The following CSPG4 variants were observed in gnomAD, a reference collection of about 807,000 sequenced individuals.
CSPG4 encodes chondroitin sulfate proteoglycan 4 (melanoma-associated).
A neutral mutation model predicts 139.3 loss-of-function variants in CSPG4; 74 were observed. The observed-to-expected ratio is 0.53, with a 90% confidence interval of 0.44 to 0.64. The LOEUF is 0.64. Ranked by LOEUF, CSPG4 falls within the 30% of genes least tolerant of loss-of-function variation. CSPG4 has a pLI of 0.00. For missense variants in CSPG4, 2,565 were observed against 3,148.3 expected, an observed-to-expected ratio of 0.81 and a Z score of 4.43; for synonymous variants, 1,234 against 1,394.2, an observed-to-expected ratio of 0.89 and a Z score of 2.56.
In CSPG4 at chr15:75,693,204, C is replaced by T. The variant is rs1466086222; in HGVS notation, c.118G>A (p.Val40Met). The part of the protein sequence containing the change: ...ASFFGENHLE[V>M]PVATALTDID... Reference sequence around the variant, plus strand: ...TCGGTCAGAGCCGTGGCCACAGGCACCTCCAGGTGGTTCTCACCGAAGAAG... The same window carrying T: ...TCGGTCAGAGCCGTGGCCACAGGCATCTCCAGGTGGTTCTCACCGAAGAAG... The change falls in exon 2 of 10, where the codon GTG (valine) becomes ATG (methionine). Residue 40 changes from valine to methionine, a missense_variant. Transcript: ENST00000308508. 1 of 1,609,854 alleles carries T rather than the reference C, an allele frequency of 6.2e-7. No individual in the cohort carries two copies. The highest frequency in any genetic ancestry group is 8.5e-7 in the Non-Finnish European group (1 of 1,178,882).
rs61754538 is a variant in CSPG4 at position 75,690,531 on chromosome 15, G to A, written c.534C>T (p.Arg178=). Residue 178 remains arginine, a synonymous_variant, in exon 3 of 10, where the codon CGC becomes CGT. Coordinates refer to ENST00000308508, the MANE Select transcript of CSPG4 (RefSeq NM_001897.5). The part of the protein sequence containing the change: ...GCLHAATLNG[R]SLLRPLTPDV... ...CGGGGGTCAGAGGCCGGAGGAGGCTGCGGCCATTGAGGGTGGCTGCATGGA... is the reference window on the plus strand; with the variant it reads ...CGGGGGTCAGAGGCCGGAGGAGGCTACGGCCATTGAGGGTGGCTGCATGGA... 7.5e-3 allele frequency: 12,104 copies of A among 1,609,548 alleles called. 293 individuals carry two copies. In the East Asian group the frequency reaches 0.095, roughly 13 times the overall value.
At position 75,682,377 on chromosome 15, in the gene CSPG4, C is replaced by T. The variant is rs763719075; in HGVS notation, c.4866G>A (p.Val1622=). 6.3e-7 allele frequency: 1 copy of T among 1,596,796 alleles called. No individual in the cohort carries two copies. Residue 1622 remains valine (V), a synonymous_variant, in exon 8 of 10, where the codon GTG becomes GTA. Transcript: ENST00000308508. The part of the protein sequence containing the change: ...GTDPQLLLYR[V]VRGPQLGRLF... ...GCCGGCCTAGCTGGGGGCCCCGCAC[C>T]ACACGGTAGAGCAGGAGCTGGGGGT...
Position 75,688,702 on chromosome 15 carries a change from C to A in CSPG4, c.2363G>T (p.Arg788Leu). ...TIQRATVWML[R>L]LEPLHTQNTQ... ...GTTCTGAGTGTGCAGTGGCTCCAGC[C>A]GCAGCATCCACACAGTGGCTCTCTG... is the stretch of plus-strand genomic sequence containing the variant. The change falls in exon 3 of 10, where the codon CGG becomes CTG. Residue 788 changes from arginine to leucine, a missense_variant. This residue lies in a region of CSPG4 where 2,316 missense variants were observed against 2,818.2 expected (regional missense o/e 0.82). Coordinates refer to ENST00000308508, the MANE Select transcript of CSPG4 (RefSeq NM_001897.5). 1 of 1,610,476 alleles carries A rather than the reference C, an allele frequency of 6.2e-7. No individual in the cohort carries two copies. The highest frequency in any genetic ancestry group is 1.7e-5 in the Admixed American group (1 of 59,938).
chr15:75,676,230 C>T lies in CSPG4; in HGVS notation c.6289G>A (p.Val2097Met), dbSNP rs367931199. ...CCGGGCTCCGTCCTGGCTCGGGGCA[C>T]GCGGACCACGCGGCCATGCCGGGGT... ...EGPRHGRVVR[V>M]PRARTEPGGS... Residue 2097 changes from valine (V) to methionine (M), a missense_variant, in exon 10 of 10, where the codon GTG (valine) becomes ATG (methionine). By Grantham distance (21) the Val-to-Met change is conservative. Coordinates refer to ENST00000308508, the MANE Select transcript of CSPG4 (RefSeq NM_001897.5). 92 of 1,551,574 alleles carry T rather than the reference C, an allele frequency of 5.9e-5. No individual in the cohort carries two copies. In the Middle Eastern group the frequency reaches 2.0e-3, roughly 34 times the overall value.
chr15:75,677,599 T>A, intron 9 of CSPG4, 104 bp downstream of exon 9: 2 of 1,369,238 alleles, frequency 1.5e-6, no homozygotes, highest in African/African-American at 1.5e-5. Context: ...TCCCAGGTCC[T>A]GGGGGCTGAG....
Position 75,705,103 on chromosome 15 carries a change from C to T in CSPG4, c.88+7565G>A, listed in dbSNP as rs1374298556. Among the ~76,000 whole-genome samples the T allele has an allele frequency of 2.0e-5, 3 of 152,198 alleles. No individual in the cohort carries two copies. In the East Asian group the frequency reaches 5.8e-4, roughly 29 times the overall value. ...GGCCCAGTGAGCCCCATCCTAGGGG[C>T]TGTTAGGCTTGGGAGAAACAGGCCC... On this transcript the variant is annotated intron_variant, in intron 1 of 9. Coordinates refer to ENST00000308508, the MANE Select transcript of CSPG4 (RefSeq NM_001897.5).
chr15:75,691,559 C>A (rs891921582), intron 2 of CSPG4, among the ~76,000 whole-genome samples: 1 of 152,164 alleles, frequency 6.6e-6, no homozygotes, highest in Non-Finnish European at 1.5e-5. Flanking sequence ...AGCAAAGTTT[C>A]TTGGGGTCAT....
Position 75,693,232 on chromosome 15 carries a change from A to G in CSPG4, c.90T>C (p.Ala30=), listed in dbSNP as rs1458625766. ...CCAGGTGGTTCTCACCGAAGAAGGAAGCTGTGTGAGAGAGGGAGCTGTGGT... is the reference window on the plus strand; with the variant it reads ...CCAGGTGGTTCTCACCGAAGAAGGAGGCTGTGTGAGAGAGGGAGCTGTGGT... ...LTMLARLASA[A]SFFGENHLEV... The change falls in exon 2 of 10, where the codon GCT becomes GCC. Residue 30 remains alanine (A), a splice_region_variant and synonymous_variant. Coordinates refer to ENST00000308508, the MANE Select transcript of CSPG4 (RefSeq NM_001897.5). 4 of 1,597,262 alleles carry G rather than the reference A, an allele frequency of 2.5e-6. No individual in the cohort carries two copies. Among genetic ancestry groups the G allele is most frequent in the Non-Finnish European group, 3.4e-6 (4 of 1,171,894 alleles).
intron 4 of CSPG4, 32 bp from the exon 5 acceptor site, chr15:75,684,944 C>T: frequency 6.3e-7 from 1 of 1,587,090 alleles, no homozygotes; most frequent in Non-Finnish European, 8.6e-7. Flanking sequence ...GCAGTCAGGC[C>T]CCAGCAGCAC....
intron 2 of CSPG4, among the ~76,000 whole-genome samples, chr15:75,692,228 C>A (rs926103236): frequency 2.0e-5 from 3 of 152,202 alleles, no homozygotes; most frequent in African/African-American, 4.8e-5. Flanking sequence ...AGGTGATCCA[C>A]CCGCCTCAGC....
intron 1 of CSPG4, among the ~76,000 whole-genome samples, chr15:75,712,040 T>TG (rs1277558455): frequency 5.1e-5 from 7 of 137,398 alleles, no homozygotes; most frequent in Admixed American, 4.5e-4. Context: ...GGGTAGTGGG[T>TG]GGGGGGTCCT....
chr15:75,687,696 C>A lies in CSPG4; in HGVS notation c.3369G>T (p.Ser1123=). The A allele has an allele frequency of 6.2e-7, 1 of 1,612,906 alleles. No individual in the cohort carries two copies. The change falls in exon 3 of 10, where the codon TCG becomes TCT. Residue 1123 remains serine (S), a synonymous_variant. Coordinates refer to ENST00000308508, the MANE Select transcript of CSPG4 (RefSeq NM_001897.5). This position sits in a 1 kb window ranked among gnomAD's most constrained non-coding sequence, Gnocchi z 5.4. ...CGTTGGCCACACGGAGGTAGGGTTC[C>A]GAGGCCTGCACCTCCAGCAGCGCAG... The part of the protein sequence containing the change: ...QATALLEVQA[S]EPYLRVANGS...
At position 75,707,773 on chromosome 15, in the gene CSPG4, G is replaced by A. The variant is rs573185598; in HGVS notation, c.88+4895C>T. Among the ~76,000 whole-genome samples, 339 of 152,350 alleles carry A rather than the reference G, an allele frequency of 2.2e-3. 4 individuals carry two copies. The highest frequency in any genetic ancestry group is 3.9e-3 in the Non-Finnish European group (268 of 68,024). On this transcript the variant is annotated intron_variant, in intron 1 of 9. Transcript: ENST00000308508. Reference sequence around the variant, plus strand: ...CAGCTGCCTCCAGGCCGGCTCAGCTGGAGAGCCCTGGGGTGCGCTGGAGTG... The same window carrying A: ...CAGCTGCCTCCAGGCCGGCTCAGCTAGAGAGCCCTGGGGTGCGCTGGAGTG...
In CSPG4 at chr15:75,688,410, T is replaced by C. The variant is rs528748706; in HGVS notation, c.2655A>G (p.Pro885=). The change falls in exon 3 of 10, where the codon CCA becomes CCG. Residue 885 remains proline, a synonymous_variant. Coordinates refer to ENST00000308508, the MANE Select transcript of CSPG4 (RefSeq NM_001897.5). Reference sequence around the variant, plus strand: ...CAATGTGGATGGGGAAGGTATAGAGTGGGGAGAAATATGGTGGAGCTGTGA... The same window carrying C: ...CAATGTGGATGGGGAAGGTATAGAGCGGGGAGAAATATGGTGGAGCTGTGA... ...FRVTAPPYFS[P]LYTFPIHIGG... The C allele has an allele frequency of 1.9e-6, 3 of 1,612,564 alleles. No individual in the cohort carries two copies. The South Asian group carries it at 3.3e-5, about 18-fold the overall frequency.
chr15:75,706,442 A>AGT (rs141542830), intron 1 of CSPG4, among the ~76,000 whole-genome samples: 1 of 151,450 alleles, frequency 6.6e-6, no homozygotes. Context: ...TGTGTGTGTG[A>AGT]GTGTGTGTGT....
At position 75,688,008 on chromosome 15, in the gene CSPG4, A is replaced by G. The variant is rs1216870645; in HGVS notation, c.3057T>C (p.Pro1019=). The G allele has an allele frequency of 1.9e-6, 3 of 1,612,018 alleles. No individual in the cohort carries two copies. Among genetic ancestry groups the G allele is most frequent in the Admixed American group, 1.7e-5 (1 of 59,970 alleles). Reference sequence around the variant, plus strand: ...GGAAGATCCGGCTGATGGTCTGCACAGGGGCGTGGTCATTCACGGGCTGGA... The same window carrying G: ...GGAAGATCCGGCTGATGGTCTGCACGGGGGCGTGGTCATTCACGGGCTGGA... ...VAIQPVNDHA[P]VQTISRIFHV... The change falls in exon 3 of 10, where the codon CCT becomes CCC. Residue 1019 remains proline, a synonymous_variant. Transcript: ENST00000308508.
chr15:75,703,486 C>T (rs924791734), intron 1 of CSPG4, among the ~76,000 whole-genome samples: 11 of 151,762 alleles, frequency 7.2e-5, no homozygotes, highest in Admixed American at 5.9e-4. Context: ...TCTGTGGCCT[C>T]GCCCACCCCC....
In CSPG4 at chr15:75,688,205, TC is replaced by T; in HGVS notation, c.2859del (p.Thr954ProfsTer4). 6.2e-7 allele frequency: 1 copy of T among 1,612,848 alleles called. No individual in the cohort carries two copies. The highest frequency in any genetic ancestry group is 8.5e-7 in the Non-Finnish European group (1 of 1,179,866). On this transcript the variant is annotated frameshift_variant, in exon 3 of 10. Transcript: ENST00000308508. LOFTEE classifies it high-confidence loss of function. Reference protein sequence around the residue: ...GRLAWRGTQDKTTMVTSFTNE... With the variant: ...GRLAWRGTQDXTTMVTSFTNE... ...TTGGTGAAGGATGTCACCATAGTGG[TC>T]TTGTCCTGTGTCCCACGCCAAGCCA...
chr15:75,677,727 G>T lies in CSPG4; in HGVS notation c.5110C>A (p.Pro1704Thr). 1 of 1,604,788 alleles carries T rather than the reference G, an allele frequency of 6.2e-7. No homozygotes were observed. Among genetic ancestry groups the T allele is most frequent in the Non-Finnish European group, 8.5e-7 (1 of 1,176,260 alleles). The change falls in exon 9 of 10, where the codon CCC becomes ACC. Residue 1704 changes from proline to threonine, a missense_variant. This residue lies in a region of CSPG4 where 2,316 missense variants were observed against 2,818.2 expected (regional missense o/e 0.82). Coordinates refer to ENST00000308508, the MANE Select transcript of CSPG4 (RefSeq NM_001897.5). ...VSFEAACPQRPSHLWKNKGLW... is the reference protein window; with the variant it reads ...VSFEAACPQRTSHLWKNKGLW... ...CCTTTGTTCTTCCAGAGGTGGCTGGGGCGCTGGGGACAGGCAGCCTCAAAA... is the reference window on the plus strand; with the variant it reads ...CCTTTGTTCTTCCAGAGGTGGCTGGTGCGCTGGGGACAGGCAGCCTCAAAA...
Sources: allele counts gnomAD v4.1 joint callset (sites outside exome capture counted in the v4.1 genomes callset), GRCh38; gene constraint gnomAD v4.1.1; regional missense constraint gnomAD v4.1.1; non-coding constraint Gnocchi (gnomAD v3.1); transcripts MANE v1.5; gene names NCBI Gene and HGNC (gene_info 2026-07-23, HGNC 2026-07-21).